KIRREL3: variants seen among roughly 807,000 people sequenced by gnomAD.
KIRREL3 encodes kirre like nephrin family adhesion molecule 3, also known as kin of IRRE-like protein 3.
In KIRREL3, 36 loss-of-function variants were observed where a neutral mutation model predicts 89.7. That is an observed-to-expected ratio of 0.40 (90% confidence interval 0.31 to 0.53). The LOEUF is 0.53. KIRREL3 is among the 20% of genes least tolerant of loss of function. The pLI, the probability that KIRREL3 is intolerant of heterozygous loss-of-function variation, is 0.49. For missense variants in KIRREL3, 864 were observed against 1,056.6 expected (o/e 0.82, Z 2.53); for synonymous variants, 445 against 441.4 (o/e 1.01, Z -0.10).
At chr11:126,662,124 T>C (rs985219925) in intron 1 of KIRREL3, among the ~76,000 whole-genome samples, 1 of 152,166 alleles carries the variant, frequency 6.6e-6, no homozygotes, top group Non-Finnish European at 1.5e-5. Flanking sequence ...TCAGTCTACC[T>C]CATGAAAAGT....
intron 1 of KIRREL3, among the ~76,000 whole-genome samples, chr11:126,932,113 C>T (rs933999695): frequency 1.3e-5 from 2 of 152,182 alleles, no homozygotes; most frequent in Non-Finnish European, 2.9e-5. Context: ...CCTGACCTCC[C>T]AGAGCAGAGT....
chr11:126,674,058 A>G (rs1946077986), intron 1 of KIRREL3, among the ~76,000 whole-genome samples: 3 of 152,264 alleles, frequency 2.0e-5, no homozygotes, highest in African/African-American at 7.2e-5. Flanking sequence ...CATGAGAGCC[A>G]GAGGATGGCC....
intron 1 of KIRREL3, among the ~76,000 whole-genome samples, chr11:126,828,678 C>G (rs536480355): frequency 6.6e-6 from 1 of 152,268 alleles, no homozygotes; most frequent in South Asian, 2.1e-4. Flanking sequence ...GTAGGCTCTG[C>G]AGTCACGCTT....
chr11:126,450,639 A>G (rs1168233818), intron 7 of KIRREL3, among the ~76,000 whole-genome samples: 1 of 130,346 alleles, frequency 7.7e-6, no homozygotes, highest in East Asian at 2.5e-4. Flanking sequence ...ATGTGGGAGC[A>G]TGTGCACGTG....
Position 126,937,628 on chromosome 11 carries a change from T to C in KIRREL3, c.55+62827A>G, listed in dbSNP as rs143147751. Reference sequence around the variant, plus strand: ...TAAAAAAACAGCAGTTGGCCGGGCGTGGTGGCTCATGCCTGTAATCCCAGC... The same window carrying C: ...TAAAAAAACAGCAGTTGGCCGGGCGCGGTGGCTCATGCCTGTAATCCCAGC... On this transcript the variant is annotated intron_variant, in intron 1 of 16. Transcript: ENST00000525144. Among the ~76,000 whole-genome samples, 557 of 152,238 alleles carry C rather than the reference T, an allele frequency of 3.7e-3. 3 individuals carry two copies. Among genetic ancestry groups the C allele is most frequent in the South Asian group, 1.0e-2 (48 of 4,818 alleles).
intron 7 of KIRREL3, among the ~76,000 whole-genome samples, chr11:126,450,536 CAT>C (rs1330783830): frequency 3.8e-5 from 5 of 130,540 alleles, no homozygotes; most frequent in African/African-American, 1.2e-4. Flanking sequence ...CGTATGTGTG[CAT>C]GTGTGTCAAT....
intron 1 of KIRREL3, among the ~76,000 whole-genome samples, chr11:126,781,092 C>T (rs4145703): frequency 0.25 from 37,989 of 152,044 alleles, 6,331 homozygotes; most frequent in East Asian, 0.79. Flanking sequence ...TGGGTGTGGA[C>T]GTGCATGTGG....
rs1375509022 is a variant in KIRREL3 at position 126,923,095 on chromosome 11, T to TCTTCTTCTCCTTCTCCTTCTC, written c.55+77339_55+77359dup. The stretch of plus-strand genomic sequence containing the variant: ...CAGCTTGCCTTGTGGATCTTCTTCT[T>TCTTCTTCTCCTTCTCCTTCTC]CTTCTTCTCCTTCTCCTTCTCCTTC... On this transcript the variant is annotated intron_variant, in intron 1 of 16. Coordinates refer to ENST00000525144, the MANE Select transcript of KIRREL3 (RefSeq NM_032531.4). Among the ~76,000 whole-genome samples the TCTTCTTCTCCTTCTCCTTCTC allele has an allele frequency of 3.5e-4, 41 of 115,698 alleles. 1 individual carries two copies. The highest frequency in any genetic ancestry group is 1.1e-3 in the African/African-American group (28 of 24,478). 75.9% of individuals were successfully genotyped at this position (115,698 alleles called of 152,430 possible).
At chr11:126,762,486 C>T (rs1949695262) in intron 1 of KIRREL3, among the ~76,000 whole-genome samples, 1 of 152,214 alleles carries the variant, frequency 6.6e-6, no homozygotes. Flanking sequence ...TCCCCAGCCT[C>T]CCTTGCCGCT....
intron 1 of KIRREL3, among the ~76,000 whole-genome samples, chr11:126,839,645 A>G (rs530203501): frequency 1.3e-5 from 2 of 152,318 alleles, no homozygotes; most frequent in African/African-American, 4.8e-5. Context: ...TCAGCATATT[A>G]CAGGCAAACA....
At position 126,903,801 on chromosome 11, in the gene KIRREL3, C is replaced by T. The variant is rs770335575; in HGVS notation, c.55+96654G>A. Reference sequence around the variant, plus strand: ...GTTGCTGGTGGAAAAAATAAGAAGACGGTCCTAAATCAAAGGCAATTTAAT... The same window carrying T: ...GTTGCTGGTGGAAAAAATAAGAAGATGGTCCTAAATCAAAGGCAATTTAAT... On this transcript the variant is annotated intron_variant, in intron 1 of 16. Coordinates refer to ENST00000525144, the MANE Select transcript of KIRREL3 (RefSeq NM_032531.4). The surrounding 1 kb of genome is among the most constrained non-coding windows in gnomAD (Gnocchi z 4.5). 1.3e-4 allele frequency among the ~76,000 whole-genome samples: 20 copies of T among 152,144 alleles called. No individual in the cohort carries two copies. The highest frequency in any genetic ancestry group is 2.4e-4 in the African/African-American group (10 of 41,426).
chr11:126,976,452 T>C lies in KIRREL3; in HGVS notation c.55+24003A>G, dbSNP rs886351886. Among the ~76,000 whole-genome samples, 1 of 152,220 alleles carries C rather than the reference T, an allele frequency of 6.6e-6. No homozygotes were observed. Among genetic ancestry groups the C allele is most frequent in the African/African-American group, 2.4e-5 (1 of 41,464 alleles). Reference sequence around the variant, plus strand: ...GATTTATATGTTTACCTGTCCACTGTTTCTGAATCTACTGTCATCTACAAT... The same window carrying C: ...GATTTATATGTTTACCTGTCCACTGCTTCTGAATCTACTGTCATCTACAAT... On this transcript the variant is annotated intron_variant, in intron 1 of 16. Coordinates refer to ENST00000525144, the MANE Select transcript of KIRREL3 (RefSeq NM_032531.4). The surrounding 1 kb of genome is among the most constrained non-coding windows in gnomAD (Gnocchi z 4.2).
In KIRREL3 at chr11:126,473,396, G is replaced by A. The variant is rs760406196; in HGVS notation, c.504C>T (p.Leu168=). 6.3e-7 allele frequency: 1 copy of A among 1,590,648 alleles called. No individual in the cohort carries two copies. Among genetic ancestry groups the A allele is most frequent in the East Asian group, 2.3e-5 (1 of 43,884 alleles). ...GCTTGGCATTGTCTGCGTGGCAGGT[G>A]AGGTTGAGAGGGTCCCCCGCACGCA... ...ISLRAGDPLN[L]TCHADNAKPA... The change falls in exon 5 of 17, where the codon CTC becomes CTT. Residue 168 remains leucine (L), a synonymous_variant. Coordinates refer to ENST00000525144, the MANE Select transcript of KIRREL3 (RefSeq NM_032531.4).
Position 126,694,417 on chromosome 11 carries a change from G to A in KIRREL3, c.56-131505C>T, listed in dbSNP as rs1225694559. ...TGGACTGGGGATTCTGTCTGATTGT[G>A]TCAGCATCACGCTCCGTGACATTTA... On this transcript the variant is annotated intron_variant, in intron 1 of 16. Transcript: ENST00000525144. The surrounding 1 kb of genome is among the most constrained non-coding windows in gnomAD (Gnocchi z 4.4). 6.6e-6 allele frequency among the ~76,000 whole-genome samples: 1 copy of A among 152,182 alleles called. No homozygotes were observed. The highest frequency in any genetic ancestry group is 2.4e-5 in the African/African-American group (1 of 41,426).
chr11:126,893,767 G>A (rs1946023010), intron 1 of KIRREL3, among the ~76,000 whole-genome samples: 1 of 152,174 alleles, frequency 6.6e-6, no homozygotes, highest in Non-Finnish European at 1.5e-5. Flanking sequence ...CCTATTAAAC[G>A]ATGCGTGTTA....
At chr11:126,695,836 A>G (rs1269962703) in intron 1 of KIRREL3, among the ~76,000 whole-genome samples, 1 of 152,192 alleles carries the variant, frequency 6.6e-6, no homozygotes, top group Non-Finnish European at 1.5e-5. Context: ...GCCAGCGTAG[A>G]GCCACAGCCT....
chr11:126,466,055 T>C (rs1956713019), intron 5 of KIRREL3, among the ~76,000 whole-genome samples: 1 of 152,098 alleles, frequency 6.6e-6, no homozygotes, highest in Non-Finnish European at 1.5e-5. Flanking sequence ...GGATGGGCTC[T>C]GGGCGGTGGG....
At chr11:126,473,931 C>T (rs1210877737) in intron 4 of KIRREL3, among the ~76,000 whole-genome samples, 1 of 151,954 alleles carries the variant, frequency 6.6e-6, no homozygotes, top group Non-Finnish European at 1.5e-5. Context: ...GTAGCTGGGA[C>T]TACAAGCACG....
chr11:126,493,940 A>C (rs1957593147), intron 4 of KIRREL3, among the ~76,000 whole-genome samples: 1 of 152,172 alleles, frequency 6.6e-6, no homozygotes, highest in Non-Finnish European at 1.5e-5. Context: ...CAAGGCTGGA[A>C]TTAGTGGGGA....
Sources: gnomAD v4.1 joint callset for allele counts (sites outside exome capture counted in the v4.1 genomes callset) on GRCh38, gnomAD v4.1.1 for gene constraint, Gnocchi (gnomAD v3.1) non-coding constraint, MANE v1.5 for transcripts, NCBI Gene and HGNC (gene_info 2026-07-23, HGNC 2026-07-21) for gene names.